The following CELF5 variants were observed in gnomAD, a reference collection of about 807,000 sequenced individuals.
The protein encoded by CELF5 is CUG-BP and ETR-3 like factor 5.
CELF5 carries 6 observed loss-of-function variants against 54.9 expected under a neutral mutation model. The observed-to-expected ratio is 0.11, with a 90% CI of 0.06 to 0.22. The LOEUF is 0.22. Ranked by LOEUF, CELF5 falls within the 10% of genes least tolerant of loss-of-function variation. CELF5 has a pLI of 1.00. For synonymous variants in CELF5, 271 were observed against 290.9 expected (o/e 0.93, Z 0.70); for missense variants, 401 against 678.6 (o/e 0.59, Z 4.54).
In CELF5 at chr19:3,281,383, G is replaced by GTC; in HGVS notation, c.750+45_750+46dup. Reference sequence around the variant, plus strand: ...GTGACAGCTTCGGGGCTCCGGCTCCGTCTCTCTCAGTCTCTGTCTACTCTC... The same window carrying GTC: ...GTGACAGCTTCGGGGCTCCGGCTCCGTCTCTCTCTCAGTCTCTGTCTACTCTC... On this transcript the variant is annotated intron_variant, in intron 6 of 12. Transcript: ENST00000292672. The surrounding 1 kb of genome is among the most constrained non-coding windows in gnomAD (Gnocchi z 6.5). The GTC allele has an allele frequency of 6.4e-7, 1 of 1,570,292 alleles. No homozygotes were observed. Among genetic ancestry groups the GTC allele is most frequent in the Non-Finnish European group, 8.6e-7 (1 of 1,156,144 alleles).
intron 11 of CELF5, 33 bp downstream of exon 11, chr19:3,290,407 C>T: frequency 6.2e-6 from 10 of 1,610,670 alleles, no homozygotes; most frequent in Non-Finnish European, 7.6e-6. Flanking sequence ...CCTCCCCATC[C>T]ACCTCCCTCG....
chr19:3,229,126 T>C (rs1196579795), intron 1 of CELF5, among the ~76,000 whole-genome samples: 3 of 117,226 alleles, frequency 2.6e-5, no homozygotes, highest in Non-Finnish European at 1.6e-5. Context: ...AGAGCATTTA[T>C]TGAACGCCTA....
At chr19:3,277,698 G>C (rs1176511658) in intron 4 of CELF5, among the ~76,000 whole-genome samples, 1 of 152,000 alleles carries the variant, frequency 6.6e-6, no homozygotes, top group African/African-American at 2.4e-5. Context: ...GGACTTTGTC[G>C]GTGGGACTGT....
intron 2 of CELF5, among the ~76,000 whole-genome samples, chr19:3,253,328 GT>G (rs1332756370): frequency 2.9e-4 from 44 of 152,176 alleles, no homozygotes; most frequent in Non-Finnish European, 3.8e-4. Context: ...TTGGGACTGA[GT>G]TTGCTGCATG....
At chr19:3,248,403 C>T (rs1485612610) in intron 1 of CELF5, among the ~76,000 whole-genome samples, 1 of 151,844 alleles carries the variant, frequency 6.6e-6, no homozygotes, top group Admixed American at 6.6e-5. Flanking sequence ...GCCCCTGGCA[C>T]CCCCCATCCT....
Position 3,281,372 on chromosome 19 carries a change from G to T in CELF5, c.750+27G>T. The T allele has an allele frequency of 3.2e-6, 5 of 1,581,918 alleles. No individual in the cohort carries two copies. The highest frequency in any genetic ancestry group is 4.3e-6 in the Non-Finnish European group (5 of 1,162,498). ...TGAGTGACCCAGTGACAGCTTCGGGGCTCCGGCTCCGTCTCTCTCAGTCTC... is the reference window on the plus strand; with the variant it reads ...TGAGTGACCCAGTGACAGCTTCGGGTCTCCGGCTCCGTCTCTCTCAGTCTC... On this transcript the variant is annotated intron_variant, in intron 6 of 12. Coordinates refer to ENST00000292672, the MANE Select transcript of CELF5 (RefSeq NM_021938.4). The surrounding 1 kb of genome is among the most constrained non-coding windows in gnomAD (Gnocchi z 6.5).
intron 2 of CELF5, among the ~76,000 whole-genome samples, chr19:3,273,421 C>T (rs1364733664): frequency 6.6e-6 from 1 of 151,900 alleles, no homozygotes; most frequent in Non-Finnish European, 1.5e-5. Context: ...TCTCAGAGTT[C>T]CAAGAGTGGA....
chr19:3,265,241 G>A (rs758774382), intron 2 of CELF5, among the ~76,000 whole-genome samples: 5 of 152,170 alleles, frequency 3.3e-5, no homozygotes, highest in African/African-American at 7.2e-5. Flanking sequence ...AGGAGGCTGA[G>A]GTGGGAGGAG....
At chr19:3,262,719 G>T (rs891938262) in intron 2 of CELF5, among the ~76,000 whole-genome samples, 1 of 152,102 alleles carries the variant, frequency 6.6e-6, no homozygotes, top group South Asian at 2.1e-4. Flanking sequence ...GGGAGGCCGA[G>T]GGGGGTGGAT....
chr19:3,229,959 G>T (rs908906893), intron 1 of CELF5, among the ~76,000 whole-genome samples: 2 of 152,156 alleles, frequency 1.3e-5, no homozygotes, highest in African/African-American at 4.8e-5. Flanking sequence ...CTTCCGAGGG[G>T]TCTTAGCTTG....
At chr19:3,260,661 C>T (rs1159306554) in intron 2 of CELF5, among the ~76,000 whole-genome samples, 8 of 137,462 alleles carry the variant, frequency 5.8e-5, no homozygotes, top group African/African-American at 1.7e-4. Flanking sequence ...CTCACGCTGT[C>T]GCCCAGGCTG....
rs1415367748 is a variant in CELF5 at position 3,282,053 on chromosome 19, T to TA, written c.751-72dup. ...CTGACCTCCTCACTAGTAACTGGGG[T>TA]ACCAAGCCTCCCCTCATAAGCCATG... On this transcript the variant is annotated intron_variant, in intron 6 of 12. Coordinates refer to ENST00000292672, the MANE Select transcript of CELF5 (RefSeq NM_021938.4). The surrounding 1 kb of genome is among the most constrained non-coding windows in gnomAD (Gnocchi z 5.2). 2.6e-6 allele frequency: 4 copies of TA among 1,554,886 alleles called. No individual in the cohort carries two copies. The African/African-American group carries it at 5.4e-5, about 21-fold the overall frequency.
At chr19:3,284,047 A>C (rs780316458) in intron 8 of CELF5, among the ~76,000 whole-genome samples, 6 of 151,254 alleles carry the variant, frequency 4.0e-5, no homozygotes, top group Non-Finnish European at 7.4e-5. Flanking sequence ...GGGTCTTGCT[A>C]TGTTGCCCAA....
At chr19:3,251,128 G>C in intron 2 of CELF5, 61 bp downstream of exon 2, 1 of 1,261,176 alleles carries the variant, frequency 7.9e-7, no homozygotes, top group Middle Eastern at 1.9e-4. Context: ...CCTGGGGTGG[G>C]AGCCAAGGCT....
At position 3,247,944 on chromosome 19, in the gene CELF5, T is replaced by C. The variant is rs556537732; in HGVS notation, c.260-3041T>C. 1.3e-4 allele frequency among the ~76,000 whole-genome samples: 19 copies of C among 151,958 alleles called. No individual in the cohort carries two copies. The South Asian group carries it at 3.7e-3, about 30-fold the overall frequency. ...ACCTGGCTAATTTTTTTTGTATTTT[T>C]AGTAAAGATGGAGTTTCGCCTTTTG... On this transcript the variant is annotated intron_variant, in intron 1 of 12. Transcript: ENST00000292672.
At chr19:3,232,919 A>G (rs1451657604) in intron 1 of CELF5, among the ~76,000 whole-genome samples, 2 of 152,044 alleles carry the variant, frequency 1.3e-5, no homozygotes, top group African/African-American at 4.8e-5. Context: ...TGCTAAAAAT[A>G]CAAAATTAGC....
In CELF5 at chr19:3,296,764, G is replaced by A. The variant is rs1030276166; in HGVS notation, c.*47G>A. The A allele has an allele frequency of 6.6e-6, 1 of 152,130 alleles. No individual in the cohort carries two copies. The highest frequency in any genetic ancestry group is 1.5e-5 in the Non-Finnish European group (1 of 68,040). 9.4% of individuals were successfully genotyped at this position (152,130 alleles called of 1,614,324 possible). A position where few individuals can be genotyped will look rare whatever the true frequency, so the allele number is the denominator to read the frequency against. ...TTTATACTCCACATCGCAGACCTGC[G>A]TGATTTGTACAATGTACTTTATTTC... On this transcript the variant is annotated 3_prime_UTR_variant, in exon 13 of 13. Transcript: ENST00000292672.
chr19:3,290,867 AT>A (rs2080334554), intron 11 of CELF5, among the ~76,000 whole-genome samples: 1 of 151,332 alleles, frequency 6.6e-6, no homozygotes, highest in African/African-American at 2.4e-5. Flanking sequence ...CGCCTGGCCA[AT>A]CCCAGCACTT....
At chr19:3,294,454 C>T (rs2080402435) in intron 12 of CELF5, 1 of 151,956 alleles carries the variant, frequency 6.6e-6, no homozygotes, top group Non-Finnish European at 1.5e-5. Context: ...CAGAGTCTCG[C>T]CTAGGGCCTG....
Sources: allele counts gnomAD v4.1 joint callset (sites outside exome capture counted in the v4.1 genomes callset), GRCh38; gene constraint gnomAD v4.1.1; non-coding constraint Gnocchi (gnomAD v3.1); transcripts MANE v1.5; gene names NCBI Gene and HGNC (gene_info 2026-07-23, HGNC 2026-07-21).